The following GALNT13 variants were observed in gnomAD, a reference collection of about 807,000 sequenced individuals.
GALNT13 encodes the protein UDP-GalNAc:polypeptide N-acetylgalactosaminyltransferase 13.
In GALNT13, 28 loss-of-function variants were observed where a neutral mutation model predicts 64.2. The ratio of observed to expected loss-of-function variants is 0.44; its 90% confidence interval spans 0.32 to 0.60. The LOEUF (loss-of-function observed/expected upper bound fraction) is 0.60. Among genes scored for constraint, GALNT13 ranks in the 20% least tolerant of loss-of-function variants. The pLI is 0.05. For synonymous variants in GALNT13, 214 were observed against 224.6 expected, an observed-to-expected ratio of 0.95 and a Z score of 0.42; for missense variants, 577 against 669.8, an observed-to-expected ratio of 0.86 and a Z score of 1.53.
chr2:154,148,545 G>A (rs2105609741), intron 4 of GALNT13, among the ~76,000 whole-genome samples: 1 of 152,106 alleles, frequency 6.6e-6, no homozygotes, highest in East Asian at 1.9e-4. Flanking sequence ...CCCACCAACA[G>A]TGTAAAAATG....
At chr2:153,957,554 CA>C (rs1265452838) in intron 3 of GALNT13, among the ~76,000 whole-genome samples, 1 of 152,086 alleles carries the variant, frequency 6.6e-6, no homozygotes, top group Non-Finnish European at 1.5e-5. Flanking sequence ...TCTCTCTTAC[CA>C]GGGACAGTTA....
chr2:153,085,818 C>G, the GALNT13 span, among the ~76,000 whole-genome samples: 1 of 152,110 alleles, frequency 6.6e-6, no homozygotes, highest in African/African-American at 2.4e-5. Flanking sequence ...GGCCACTATT[C>G]TCCAGACCCC....
the GALNT13 span, among the ~76,000 whole-genome samples, chr2:153,662,724 G>T: frequency 1.3e-5 from 2 of 152,118 alleles, no homozygotes; most frequent in Admixed American, 6.6e-5. Context: ...TACTTGATAT[G>T]ATTTTTTTTC....
At chr2:153,223,330 T>C in the GALNT13 span, among the ~76,000 whole-genome samples, 2 of 152,224 alleles carry the variant, frequency 1.3e-5, no homozygotes, top group Non-Finnish European at 2.9e-5. Flanking sequence ...CAAATTGATC[T>C]AATTAATAGT....
chr2:153,735,118 G>A, the GALNT13 span, among the ~76,000 whole-genome samples: 7 of 152,206 alleles, frequency 4.6e-5, no homozygotes, highest in East Asian at 1.4e-3. Context: ...GCCTTGTTTG[G>A]AGCTGCATTT....
intron 9 of GALNT13, among the ~76,000 whole-genome samples, chr2:154,304,418 A>G (rs1693621153): frequency 6.6e-6 from 1 of 152,204 alleles, no homozygotes; most frequent in Non-Finnish European, 1.5e-5. Context: ...ATATAAGTTC[A>G]AATATGAATA....
At chr2:153,984,806 T>C (rs1694687732) in intron 3 of GALNT13, among the ~76,000 whole-genome samples, 1 of 151,978 alleles carries the variant, frequency 6.6e-6, no homozygotes, top group Admixed American at 6.6e-5. Flanking sequence ...CCTCTCTTTT[T>C]TTTCATTTTG....
At chr2:154,052,380 C>T (rs6723546) in intron 3 of GALNT13, among the ~76,000 whole-genome samples, 27,021 of 152,072 alleles carry the variant, frequency 0.18, 2,999 homozygotes, top group Non-Finnish European at 0.24. Flanking sequence ...TTCAAATGAC[C>T]CCATTATCTC....
the GALNT13 span, among the ~76,000 whole-genome samples, chr2:153,228,871 A>G: frequency 9.3e-5 from 1 of 10,762 alleles, no homozygotes; most frequent in African/African-American, 6.7e-4. Flanking sequence ...GACTGTCTCA[A>G]AAAAAAAAAA....
chr2:153,463,261 A>G, the GALNT13 span, among the ~76,000 whole-genome samples: 1 of 152,068 alleles, frequency 6.6e-6, no homozygotes. Flanking sequence ...AACTTCCATT[A>G]GCCGACCCAC....
At chr2:154,304,104 A>T (rs868304320) in intron 9 of GALNT13, among the ~76,000 whole-genome samples, 4 of 152,188 alleles carry the variant, frequency 2.6e-5, no homozygotes, top group Non-Finnish European at 4.4e-5. Context: ...AAGGAGCAGT[A>T]TGAAGTTTCT....
the GALNT13 span, among the ~76,000 whole-genome samples, chr2:153,819,937 A>G: frequency 3.9e-5 from 6 of 152,220 alleles, no homozygotes; most frequent in Admixed American, 3.9e-4. Context: ...AATGACAGAT[A>G]CAGAATTCAA....
chr2:153,719,851 G>C, the GALNT13 span, among the ~76,000 whole-genome samples: 554 of 151,172 alleles, frequency 3.7e-3, 2 homozygotes, highest in Middle Eastern at 0.034. Flanking sequence ...AGCAGTCTGA[G>C]ATCAAACTGC....
At chr2:153,374,856 A>G in the GALNT13 span, among the ~76,000 whole-genome samples, 1 of 151,794 alleles carries the variant, frequency 6.6e-6, no homozygotes, top group Non-Finnish European at 1.5e-5. Context: ...TTTTTCCCTC[A>G]CCTCTTCAGC....
chr2:153,897,539 A>G (rs1241123179), intron 1 of GALNT13, among the ~76,000 whole-genome samples: 4 of 152,046 alleles, frequency 2.6e-5, no homozygotes, highest in African/African-American at 9.7e-5. Context: ...TTTCTCCACT[A>G]CTAGTTACTA....
chr2:153,205,871 C>A, the GALNT13 span, among the ~76,000 whole-genome samples: 1 of 151,898 alleles, frequency 6.6e-6, no homozygotes, highest in African/African-American at 2.4e-5. Context: ...TTACACATGC[C>A]AGACTAAATT....
chr2:154,367,003 CTG>C (rs1352790138), intron 9 of GALNT13, among the ~76,000 whole-genome samples: 2 of 152,038 alleles, frequency 1.3e-5, no homozygotes, highest in Non-Finnish European at 2.9e-5. Flanking sequence ...AGGTTGGACA[CTG>C]TGAAATGAAT....
the GALNT13 span, among the ~76,000 whole-genome samples, chr2:153,671,660 CAGCT>C: frequency 1.3e-5 from 2 of 152,154 alleles, no homozygotes; most frequent in African/African-American, 2.4e-5. Flanking sequence ...GCAAAATAAA[CAGCT>C]AGCATCATAA....
intron 4 of GALNT13, among the ~76,000 whole-genome samples, chr2:154,231,750 C>T (rs1274282758): frequency 4.2e-5 from 6 of 142,448 alleles, no homozygotes; most frequent in South Asian, 2.7e-4. Flanking sequence ...CAAAAGTAAT[C>T]GCAGTTTTTG....
Sources: gnomAD v4.1 joint callset for allele counts (sites outside exome capture counted in the v4.1 genomes callset) on GRCh38, gnomAD v4.1.1 for gene constraint, MANE v1.5 for transcripts, NCBI Gene and HGNC (gene_info 2026-07-23, HGNC 2026-07-21) for gene names.